Variants in SNTG1 observed in about 807,000 individuals in gnomAD.
The protein encoded by SNTG1 is syntrophin gamma 1, also known as gamma-1-syntrophin.
A neutral mutation model predicts 74.7 loss-of-function variants in SNTG1; 39 were observed. The observed-to-expected ratio is 0.52, with a 90% confidence interval of 0.40 to 0.68. The LOEUF (loss-of-function observed/expected upper bound fraction) is 0.68, where lower values mean the gene tolerates loss of function less well. Among genes scored for constraint, SNTG1 ranks in the 30% least tolerant of loss-of-function variants. The pLI is 0.00. For missense variants in SNTG1, 685 were observed against 609.5 expected, an observed-to-expected ratio of 1.12 and a Z score of -1.30; for synonymous variants, 254 against 217.1, an observed-to-expected ratio of 1.17 and a Z score of -1.49.
At chr8:50,204,690 G>A (rs1057493228) in intron 2 of SNTG1, among the ~76,000 whole-genome samples, 4 of 152,038 alleles carry the variant, frequency 2.6e-5, no homozygotes, top group East Asian at 1.9e-4. Context: ...ATTTACATTA[G>A]TTATATCTCC....
intron 1 of SNTG1, among the ~76,000 whole-genome samples, chr8:49,946,067 A>G (rs934104303): frequency 6.6e-6 from 1 of 152,114 alleles, no homozygotes; most frequent in African/African-American, 2.4e-5. Context: ...ATTTTTTGCC[A>G]ATGACCTCTC....
Position 50,117,955 on chromosome 8 carries a change from A to C in SNTG1, c.-102-54606A>C, listed in dbSNP as rs923589646. On this transcript the variant is annotated intron_variant, in intron 1 of 18. Coordinates refer to ENST00000642720, the MANE Select transcript of SNTG1 (RefSeq NM_018967.5). ...AGTTCCCTGTAACCTGGTAAAAGCTATGTGAAGTTGGCCCTGGGGAAGGGA... is the reference window on the plus strand; with the variant it reads ...AGTTCCCTGTAACCTGGTAAAAGCTCTGTGAAGTTGGCCCTGGGGAAGGGA... Among the ~76,000 whole-genome samples, 9 of 152,240 alleles carry C rather than the reference A, an allele frequency of 5.9e-5. No individual in the cohort carries two copies. In the South Asian group the frequency reaches 6.2e-4, roughly 11 times the overall value.
intron 12 of SNTG1, among the ~76,000 whole-genome samples, chr8:50,574,833 T>C (rs1364750860): frequency 1.3e-5 from 2 of 152,204 alleles, no homozygotes; most frequent in Admixed American, 1.3e-4. Flanking sequence ...TGACTATTTA[T>C]TTGCATAAGA....
chr8:50,553,005 T>A, intron 11 of SNTG1, 45 bp from the exon 12 acceptor site: 1 of 1,608,480 alleles, frequency 6.2e-7, no homozygotes. Context: ...TGCAAATAGA[T>A]CAATGACATG....
chr8:50,058,006 T>C (rs1473394789), intron 1 of SNTG1, among the ~76,000 whole-genome samples: 1 of 152,156 alleles, frequency 6.6e-6, no homozygotes, highest in Non-Finnish European at 1.5e-5. Context: ...ATATGACTCA[T>C]ACACAGTCAG....
intron 4 of SNTG1, among the ~76,000 whole-genome samples, chr8:50,415,355 A>G (rs1335984923): frequency 3.3e-5 from 5 of 152,172 alleles, no homozygotes; most frequent in Non-Finnish European, 7.4e-5. Context: ...TGAAATCTAT[A>G]TTGTTCTGGA....
chr8:50,527,114 G>T (rs537684054), intron 9 of SNTG1, among the ~76,000 whole-genome samples: 1 of 152,114 alleles, frequency 6.6e-6, no homozygotes, highest in African/African-American at 2.4e-5. Context: ...TCTCCATATT[G>T]TGTGATTATT....
intron 2 of SNTG1, among the ~76,000 whole-genome samples, chr8:50,231,110 T>C (rs2085600345): frequency 6.6e-6 from 1 of 151,250 alleles, no homozygotes; most frequent in Non-Finnish European, 1.5e-5. Context: ...AAGATACAAA[T>C]AGCTAACAGA....
chr8:50,038,268 G>A lies in SNTG1; in HGVS notation c.-103+126037G>A, dbSNP rs189812446. ...CATCCAGACAAAAGGCAAGAATCGGGTGGACTAATCGTAGATGTGTACTGC... is the reference window on the plus strand; with the variant it reads ...CATCCAGACAAAAGGCAAGAATCGGATGGACTAATCGTAGATGTGTACTGC... On this transcript the variant is annotated intron_variant, in intron 1 of 18. Coordinates refer to ENST00000642720, the MANE Select transcript of SNTG1 (RefSeq NM_018967.5). 9.3e-4 allele frequency among the ~76,000 whole-genome samples: 141 copies of A among 152,262 alleles called. 1 individual carries two copies. Among genetic ancestry groups the A allele is most frequent in the African/African-American group, 3.2e-3 (132 of 41,560 alleles).
chr8:50,395,042 G>A (rs2092709531), intron 3 of SNTG1, among the ~76,000 whole-genome samples: 1 of 151,934 alleles, frequency 6.6e-6, no homozygotes, highest in South Asian at 2.1e-4. Context: ...AATCAAACTA[G>A]GGAAAGACTT....
chr8:50,383,802 C>T (rs1197629033), intron 2 of SNTG1, among the ~76,000 whole-genome samples: 1 of 152,184 alleles, frequency 6.6e-6, no homozygotes, highest in African/African-American at 2.4e-5. Context: ...GACCTCCAAG[C>T]TGGAGCAGCC....
intron 2 of SNTG1, among the ~76,000 whole-genome samples, chr8:50,199,342 C>A (rs1586665478): frequency 6.6e-6 from 1 of 151,838 alleles, no homozygotes; most frequent in African/African-American, 2.4e-5. Flanking sequence ...CTCAGCCCCC[C>A]AAGTAGCTGG....
At chr8:50,514,339 C>T (rs57988555) in intron 9 of SNTG1, among the ~76,000 whole-genome samples, 6,266 of 152,150 alleles carry the variant, frequency 0.041, 138 homozygotes, top group Middle Eastern at 0.12. Flanking sequence ...CAACATAATG[C>T]TTTAAAATAC....
At chr8:49,927,482 T>C (rs66661683) in intron 1 of SNTG1, among the ~76,000 whole-genome samples, 18,205 of 152,196 alleles carry the variant, frequency 0.12, 1,333 homozygotes, top group South Asian at 0.24. Context: ...TATATGTTAA[T>C]ATTAACTTAC....
intron 1 of SNTG1, among the ~76,000 whole-genome samples, chr8:50,013,477 A>AGAT (rs1816016415): frequency 1.4e-5 from 2 of 148,048 alleles, no homozygotes; most frequent in South Asian, 4.2e-4. Context: ...ATAGATAGAT[A>AGAT]GATAGATAGA....
chr8:50,253,686 C>CAT (rs2086748375), intron 2 of SNTG1, among the ~76,000 whole-genome samples: 1 of 130,706 alleles, frequency 7.7e-6, no homozygotes, highest in African/African-American at 2.6e-5. Context: ...TACACACACA[C>CAT]ATATATAAAT....
chr8:50,481,457 G>T (rs1587765683), intron 8 of SNTG1, among the ~76,000 whole-genome samples: 1 of 152,162 alleles, frequency 6.6e-6, no homozygotes, highest in Non-Finnish European at 1.5e-5. Context: ...TGTAACATTT[G>T]CTTTATTTGG....
intron 1 of SNTG1, among the ~76,000 whole-genome samples, chr8:49,954,582 A>G (rs1394185800): frequency 6.6e-6 from 1 of 152,138 alleles, no homozygotes. Context: ...TTTTTATTCT[A>G]ATACAATTTG....
intron 1 of SNTG1, among the ~76,000 whole-genome samples, chr8:49,955,948 C>G (rs1478620859): frequency 6.6e-6 from 1 of 152,178 alleles, no homozygotes; most frequent in Non-Finnish European, 1.5e-5. Context: ...AGTATGTCAT[C>G]TCATTTTCTA....
Sources: allele counts gnomAD v4.1 joint callset (sites outside exome capture counted in the v4.1 genomes callset), GRCh38; gene constraint gnomAD v4.1.1; transcripts MANE v1.5; gene names NCBI Gene and HGNC (gene_info 2026-07-23, HGNC 2026-07-21).